UBR4: variants seen among roughly 807,000 people sequenced by gnomAD.
UBR4 encodes the protein ubiquitin protein ligase E3 component n-recognin 4.
In UBR4, 124 loss-of-function variants were observed where a neutral mutation model predicts 575.6. The observed-to-expected ratio is 0.22, with a 90% CI of 0.19 to 0.25. The LOEUF is 0.25. Among genes scored for constraint, UBR4 ranks in the 10% least tolerant of loss-of-function variants. The pLI, the probability that UBR4 is intolerant of heterozygous loss-of-function variation, is 1.00. For synonymous variants in UBR4, 2,455 were observed against 2,473.7 expected, an observed-to-expected ratio of 0.99 and a Z score of 0.22; for missense variants, 4,818 against 6,478.8, an observed-to-expected ratio of 0.74 and a Z score of 8.80.
intron 1 of UBR4, among the ~76,000 whole-genome samples, 167 bp downstream of exon 1, chr1:19,209,906 G>A (rs548702292): frequency 2.6e-5 from 4 of 152,342 alleles, no homozygotes; most frequent in Non-Finnish European, 1.5e-5. Context: ...CGTTGGCGGA[G>A]GGAAACCCAG....
chr1:19,079,534 T>C (rs2076280196), intron 103 of UBR4: 1 of 152,260 alleles, frequency 6.6e-6, no homozygotes, highest in Admixed American at 6.5e-5. Context: ...GAACTTTTTT[T>C]CTGAATGTCA....
In UBR4 at chr1:19,084,711, A is replaced by ATG; in HGVS notation, c.14814-14_14814-13insCA. The ATG allele has an allele frequency of 6.3e-7, 1 of 1,582,726 alleles. No individual in the cohort carries two copies. The highest frequency in any genetic ancestry group is 8.6e-7 in the Non-Finnish European group (1 of 1,158,624). ...GTAAGTGTTGTGTCTAGAGGGAAGCAGAACAAACAATGAAATGGAAGTGAG... is the reference window on the plus strand; with the variant it reads ...GTAAGTGTTGTGTCTAGAGGGAAGCATGGAACAAACAATGAAATGGAAGTGAG... On this transcript the variant is annotated splice_polypyrimidine_tract_variant and intron_variant, in intron 101 of 105. Coordinates refer to ENST00000375254, the MANE Select transcript of UBR4 (RefSeq NM_020765.3).
At chr1:19,114,108 T>A in intron 75 of UBR4, 38 bp from the exon 76 acceptor site, 2 of 1,595,690 alleles carry the variant, frequency 1.3e-6, no homozygotes, top group Non-Finnish European at 1.7e-6. Context: ...GAAGGCTTTT[T>A]GGCTGATGAC....
In UBR4 at chr1:19,176,691, C is replaced by T. The variant is rs201842289; in HGVS notation, c.2674G>A (p.Ala892Thr). The change falls in exon 20 of 106, where the codon GCA (alanine) becomes ACA (threonine). Residue 892 changes from alanine (A) to threonine (T), a missense_variant. Physicochemically the swap from Ala to Thr is moderately conservative, Grantham distance 58. Around this residue, in one of 29 missense-constraint regions of UBR4, gnomAD observed 1,172 missense variants for 1,259.7 expected, o/e 0.93. Coordinates refer to ENST00000375254, the MANE Select transcript of UBR4 (RefSeq NM_020765.3). ...CTGTTGCTGTCCTGGGATCCACTTG[C>T]CCACCCAAAGGGAGGACTTAGCAGG... ...HNLLSPPFGW[A>T]SGSQDSNSRR... 3.3e-5 allele frequency: 53 copies of T among 1,613,998 alleles called. No individual in the cohort carries two copies. The East Asian group carries it at 1.1e-3, about 33-fold the overall frequency.
chr1:19,104,772 T>C, intron 85 of UBR4, 106 bp from the exon 86 acceptor site: 2 of 1,251,664 alleles, frequency 1.6e-6, no homozygotes, highest in Non-Finnish European at 2.3e-6. Flanking sequence ...TGTAGTTACA[T>C]CTTCTTAATC....
intron 1 of UBR4, among the ~76,000 whole-genome samples, chr1:19,208,374 G>A (rs1332418894): frequency 6.6e-6 from 1 of 150,676 alleles, no homozygotes; most frequent in African/African-American, 2.5e-5. Flanking sequence ...GGCTGAGGCA[G>A]GAGAATGGTG....
intron 38 of UBR4, 90 bp from the exon 39 acceptor site, chr1:19,160,371 C>G: frequency 8.1e-7 from 1 of 1,230,604 alleles, no homozygotes; most frequent in Non-Finnish European, 1.1e-6. Flanking sequence ...CCAGTAACTT[C>G]CTTCAGAATC....
At chr1:19,123,924 T>C (rs2081445346) in intron 65 of UBR4, among the ~76,000 whole-genome samples, 1 of 152,200 alleles carries the variant, frequency 6.6e-6, no homozygotes, top group Non-Finnish European at 1.5e-5. Context: ...GCCAATGCAC[T>C]ACTTCTTTGC....
At chr1:19,207,632 A>AAAAT (rs750774068) in intron 1 of UBR4, among the ~76,000 whole-genome samples, 28 of 152,326 alleles carry the variant, frequency 1.8e-4, no homozygotes, top group South Asian at 8.3e-4. Flanking sequence ...CTGTCTCCAA[A>AAAAT]AAATAAATAA....
chr1:19,199,038 T>C (rs1460988744), intron 3 of UBR4, 110 bp from the exon 4 acceptor site: 1 of 1,319,976 alleles, frequency 7.6e-7, no homozygotes, highest in East Asian at 2.5e-5. Flanking sequence ...TAGGTTCATA[T>C]AAACACTAAA....
At position 19,187,193 on chromosome 1, in the gene UBR4, A is replaced by G. The variant is rs749432835; in HGVS notation, c.1603T>C (p.Leu535=). 2 of 1,612,914 alleles carry G rather than the reference A, an allele frequency of 1.2e-6. No homozygotes were observed. Among genetic ancestry groups the G allele is most frequent in the Admixed American group, 3.3e-5 (2 of 59,948 alleles). The change falls in exon 13 of 106, where the codon TTG becomes CTG. Residue 535 remains leucine (L), a synonymous_variant. Transcript: ENST00000375254. ...CTGTAGGAAGTTGAAAGTAACGTCA[A>G]GAGCAGGTTCATCAGTGGGACAGAG... The part of the protein sequence containing the change: ...IDSVPLMNLL[L]TLLSTSYRKA...
chr1:19,207,592 G>A (rs959885201), intron 1 of UBR4, among the ~76,000 whole-genome samples: 1 of 152,176 alleles, frequency 6.6e-6, no homozygotes, highest in Non-Finnish European at 1.5e-5. Context: ...TCGTGCCACT[G>A]CACTCCAGCC....
intron 20 of UBR4, 79 bp downstream of exon 20, chr1:19,176,513 A>G: frequency 6.5e-6 from 10 of 1,547,060 alleles, no homozygotes; most frequent in Non-Finnish European, 8.8e-6. Context: ...AAGATCCTCC[A>G]AGAGTCCCCA....
intron 78 of UBR4, among the ~76,000 whole-genome samples, chr1:19,111,307 T>C (rs1237270230): frequency 6.6e-6 from 1 of 152,200 alleles, no homozygotes; most frequent in Non-Finnish European, 1.5e-5. Flanking sequence ...CTTCCCAACA[T>C]ACTGAATAAG....
Position 19,168,105 on chromosome 1 carries a change from C to G in UBR4, c.3821G>C (p.Cys1274Ser). 6.2e-7 allele frequency: 1 copy of G among 1,613,736 alleles called. No individual in the cohort carries two copies. The highest frequency in any genetic ancestry group is 1.7e-5 in the Admixed American group (1 of 59,988). ...AGCAGCCAGGGGCAGACTTTGGCTA[C>G]AGAGAGTCCCCAGGTGTGCAGCCTG... Reference protein sequence around the residue: ...AVQAAHLGTLCSQSLPLAASL... With the variant: ...AVQAAHLGTLSSQSLPLAASL... Residue 1274 changes from cysteine to serine, a missense_variant, in exon 28 of 106, where the codon TGT becomes TCT. Transcript: ENST00000375254.
intron 104 of UBR4, 195 bp downstream of exon 104, chr1:19,077,781 G>A: frequency 6.6e-7 from 1 of 1,516,040 alleles, no homozygotes. Flanking sequence ...CAAAACAAAT[G>A]TACCTCACAG....
At chr1:19,156,676 A>T in intron 41 of UBR4, 91 bp downstream of exon 41, 1 of 1,504,944 alleles carries the variant, frequency 6.6e-7, no homozygotes, top group Non-Finnish European at 8.9e-7. Flanking sequence ...AATCTCCACA[A>T]CGAATAAGAA....
intron 60 of UBR4, 107 bp from the exon 61 acceptor site, chr1:19,129,181 C>G (rs1356981827): frequency 2.3e-6 from 2 of 875,432 alleles, no homozygotes; most frequent in Admixed American, 2.5e-5. Flanking sequence ...CAACAAGAAG[C>G]CTAATGCTTA....
At chr1:19,175,189 T>A (rs1300666820) in intron 20 of UBR4, among the ~76,000 whole-genome samples, 156 bp from the exon 21 acceptor site, 2 of 152,176 alleles carry the variant, frequency 1.3e-5, no homozygotes, top group Non-Finnish European at 2.9e-5. Flanking sequence ...TGGGAGGCCA[T>A]CTTATGCACT....
Sources: gnomAD v4.1 joint callset for allele counts (sites outside exome capture counted in the v4.1 genomes callset) on GRCh38, gnomAD v4.1.1 for gene constraint, gnomAD v4.1.1 regional missense constraint, MANE v1.5 for transcripts, NCBI Gene and HGNC (gene_info 2026-07-23, HGNC 2026-07-21) for gene names.